The following TRHDE variants were observed in gnomAD, a reference collection of about 807,000 sequenced individuals.
The protein encoded by TRHDE is thyrotropin releasing hormone degrading enzyme.
TRHDE carries 72 observed loss-of-function variants against 125.7 expected under a neutral mutation model. The observed-to-expected ratio is 0.57, with a 90% CI of 0.47 to 0.70. The LOEUF is 0.70. TRHDE is among the 30% of genes least tolerant of loss of function. The pLI is 0.00. For synonymous variants in TRHDE, 509 were observed against 509.1 expected (o/e 1.00, Z 0.00); for missense variants, 1,110 against 1,327.1 (o/e 0.84, Z 2.54).
chr12:72,283,341 G>C (rs1476423848), intron 1 of TRHDE, among the ~76,000 whole-genome samples: 4 of 152,154 alleles, frequency 2.6e-5, no homozygotes, highest in African/African-American at 9.7e-5. Context: ...GCTTGGAAAA[G>C]ACCTTAAATG....
In TRHDE at chr12:72,668,541, G is replaced by T. The variant is rs1229362903; in HGVS notation, c.*5346G>T. ...TCATTTATTAATGTACTAAGAAAAA[G>T]AAAACAAAATGACTGATTCTTTTGT... On this transcript the variant is annotated 3_prime_UTR_variant, in exon 19 of 19. Coordinates refer to ENST00000261180, the MANE Select transcript of TRHDE (RefSeq NM_013381.3). 2 of 151,702 alleles carry T rather than the reference G, an allele frequency of 1.3e-5. No homozygotes were observed. The highest frequency in any genetic ancestry group is 3.0e-5 in the Non-Finnish European group (2 of 67,788). 9.4% of individuals were successfully genotyped at this position (151,702 alleles called of 1,614,324 possible). A position where few individuals can be genotyped will look rare whatever the true frequency, so the allele number is the denominator to read the frequency against.
chr12:72,512,585 AATC>A (rs972784254), intron 6 of TRHDE, among the ~76,000 whole-genome samples: 1 of 141,474 alleles, frequency 7.1e-6, no homozygotes, highest in Non-Finnish European at 1.5e-5. Context: ...ATCATATAAT[AATC>A]ATATATAATC....
chr12:72,576,669 A>C (rs770301143), intron 12 of TRHDE, among the ~76,000 whole-genome samples: 1 of 152,056 alleles, frequency 6.6e-6, no homozygotes, highest in Non-Finnish European at 1.5e-5. Flanking sequence ...TTAAAAAAAT[A>C]CTCTGACTTT....
intron 5 of TRHDE, among the ~76,000 whole-genome samples, chr12:72,494,494 G>T (rs909239984): frequency 1.3e-5 from 2 of 151,888 alleles, no homozygotes; most frequent in African/African-American, 4.8e-5. Context: ...CTTTTTGGTT[G>T]GTTGTTTTTT....
intron 12 of TRHDE, among the ~76,000 whole-genome samples, chr12:72,599,373 T>C (rs1872113085): frequency 6.6e-6 from 1 of 152,128 alleles, no homozygotes; most frequent in Admixed American, 6.5e-5. Context: ...CTCCACAGCT[T>C]CATGAGCATC....
chr12:72,424,211 G>A (rs190948767), intron 3 of TRHDE, among the ~76,000 whole-genome samples: 1 of 152,192 alleles, frequency 6.6e-6, no homozygotes, highest in East Asian at 1.9e-4. Flanking sequence ...TCTGGTGGTG[G>A]CCATTGATAC....
At chr12:72,592,795 C>A (rs1342294053) in intron 12 of TRHDE, among the ~76,000 whole-genome samples, 3 of 151,822 alleles carry the variant, frequency 2.0e-5, no homozygotes, top group African/African-American at 7.3e-5. Flanking sequence ...ACTGCAACCT[C>A]CACCTCCCGG....
At chr12:72,117,248 T>G (rs557284372) in intron 2 of TRHDE, among the ~76,000 whole-genome samples, 1 of 152,294 alleles carries the variant, frequency 6.6e-6, no homozygotes, top group South Asian at 2.1e-4. Context: ...TTGATTTGTT[T>G]TTTTATATGG....
intron 3 of TRHDE, among the ~76,000 whole-genome samples, chr12:72,385,586 C>T (rs1281940459): frequency 6.6e-6 from 1 of 152,102 alleles, no homozygotes; most frequent in Admixed American, 6.5e-5. Flanking sequence ...CTGACAACCA[C>T]TTGTGCTAAA....
rs367558141 is a variant in TRHDE, at chr12:72,663,134, G to T, written c.3149G>T (p.Arg1050Leu). 6 of 1,613,026 alleles carry T rather than the reference G, an allele frequency of 3.7e-6. No homozygotes were observed. The highest frequency in any genetic ancestry group is 1.3e-5 in the African/African-American group (1 of 74,960). ...RAVETVEANV[R>L]WKMLYQDELF... ...GTGGAAACTGTCGAAGCCAATGTGC[G>T]CTGGAAAATGCTTTACCAAGACGAG... The change falls in exon 19 of 19, where the codon CGC (arginine) becomes CTC (leucine). Residue 1050 changes from arginine (R) to leucine (L), a missense_variant. Transcript: ENST00000261180.
chr12:72,280,905 A>G (rs552288333), intron 1 of TRHDE, among the ~76,000 whole-genome samples: 14 of 152,340 alleles, frequency 9.2e-5, no homozygotes, highest in African/African-American at 2.9e-4. Context: ...GCCTCTTTCC[A>G]ATAAAAAAAC....
intron 15 of TRHDE, among the ~76,000 whole-genome samples, chr12:72,634,474 G>C (rs971379611): frequency 6.6e-6 from 1 of 151,260 alleles, no homozygotes; most frequent in Admixed American, 6.6e-5. Flanking sequence ...GCTAGTTTCA[G>C]AGGGAAAACA....
chr12:72,485,541 A>G (rs1483766849), intron 5 of TRHDE, among the ~76,000 whole-genome samples: 1 of 152,016 alleles, frequency 6.6e-6, no homozygotes, highest in Non-Finnish European at 1.5e-5. Flanking sequence ...ACCACAGCTG[A>G]GGGACATCAG....
At chr12:72,354,590 C>T (rs1368490196) in intron 2 of TRHDE, among the ~76,000 whole-genome samples, 1 of 150,978 alleles carries the variant, frequency 6.6e-6, no homozygotes, top group Non-Finnish European at 1.5e-5. Context: ...ATCTGAGATT[C>T]AAACAAAACT....
At chr12:72,160,728 G>GA (rs1397323250) in intron 2 of TRHDE, among the ~76,000 whole-genome samples, 1 of 151,884 alleles carries the variant, frequency 6.6e-6, no homozygotes, top group Non-Finnish European at 1.5e-5. Flanking sequence ...CAAAACAAAA[G>GA]AAAAAACTTC....
At chr12:72,390,742 G>A (rs185712676) in intron 3 of TRHDE, among the ~76,000 whole-genome samples, 3 of 152,218 alleles carry the variant, frequency 2.0e-5, no homozygotes, top group Admixed American at 1.3e-4. Flanking sequence ...TAAGGATTAG[G>A]AACTCTAAGT....
intron 15 of TRHDE, among the ~76,000 whole-genome samples, chr12:72,631,754 C>T (rs1472224508): frequency 6.6e-6 from 1 of 151,748 alleles, no homozygotes; most frequent in Non-Finnish European, 1.5e-5. Context: ...AAAATAAAAT[C>T]CATTTTTGGT....
At chr12:72,393,408 G>A (rs1872677538) in intron 3 of TRHDE, among the ~76,000 whole-genome samples, 1 of 152,188 alleles carries the variant, frequency 6.6e-6, no homozygotes, top group Non-Finnish European at 1.5e-5. Flanking sequence ...TTGGGCCCAA[G>A]AAAAGTGGTC....
At chr12:72,518,469 C>T (rs1385212911) in intron 6 of TRHDE, among the ~76,000 whole-genome samples, 1 of 151,870 alleles carries the variant, frequency 6.6e-6, no homozygotes, top group Admixed American at 6.6e-5. Flanking sequence ...GATTGCAACC[C>T]CTGCCTTTTT....
Sources: allele counts gnomAD v4.1 joint callset (sites outside exome capture counted in the v4.1 genomes callset), GRCh38; gene constraint gnomAD v4.1.1; transcripts MANE v1.5; gene names NCBI Gene and HGNC (gene_info 2026-07-23, HGNC 2026-07-21).